The following EP300 variants were observed in gnomAD, a reference collection of about 807,000 sequenced individuals.
EP300 encodes the protein histone acetyltransferase p300.
A neutral mutation model predicts 264.0 loss-of-function variants in EP300; 31 were observed. The ratio of observed to expected loss-of-function variants is 0.12; its 90% CI spans 0.09 to 0.16. The LOEUF (loss-of-function observed/expected upper bound fraction) is 0.16. Ranked by LOEUF, EP300 falls within the 10% of genes least tolerant of loss-of-function variation. The probability of loss-of-function intolerance (pLI) is 1.00; values close to 1 mark genes in which losing one functional copy is unlikely to be tolerated. For missense variants in EP300, 2,766 were observed against 3,052.9 expected (o/e 0.91, Z 2.21); for synonymous variants, 1,340 against 1,045.4 (o/e 1.28, Z -5.44).
chr22:41,158,533 G>A lies in EP300; in HGVS notation c.3590+33G>A, dbSNP rs766848539. The A allele has an allele frequency of 1.7e-5, 27 of 1,547,650 alleles. No homozygotes were observed. In the East Asian group the frequency reaches 5.8e-4, roughly 33 times the overall value. ...TGGCCAGGTGTGGACCATGGTCCATGTGTCCACATGTCCAGGGAGTGCATG... is the reference window on the plus strand; with the variant it reads ...TGGCCAGGTGTGGACCATGGTCCATATGTCCACATGTCCAGGGAGTGCATG... On this transcript the variant is annotated intron_variant, in intron 19 of 30. Transcript: ENST00000263253.
chr22:41,168,042 G>A (rs1414975700), intron 23 of EP300, among the ~76,000 whole-genome samples: 4 of 150,834 alleles, frequency 2.7e-5, no homozygotes, highest in Admixed American at 6.6e-5. Flanking sequence ...GGCTGGTCTC[G>A]AACTCCTGAC....
chr22:41,162,450 C>G (rs191485426), intron 20 of EP300, among the ~76,000 whole-genome samples: 1 of 152,096 alleles, frequency 6.6e-6, no homozygotes, highest in Admixed American at 6.6e-5. Context: ...TAGTAACAGA[C>G]AAGATTTTAA....
Position 41,117,401 on chromosome 22 carries a change from C to T in EP300, c.309C>T (p.Val103=). The change falls in exon 2 of 31, where the codon GTC becomes GTT. Residue 103 remains valine, a synonymous_variant. Coordinates refer to ENST00000263253, the MANE Select transcript of EP300 (RefSeq NM_001429.4). The part of the protein sequence containing the change: ...LNMGVGGPGQ[V]MASQAQQSSP... The stretch of plus-strand genomic sequence containing the variant: ...TGGGAGTTGGTGGCCCAGGTCAAGT[C>T]ATGGCCAGCCAGGCCCAACAGAGCA... 1 of 1,614,148 alleles carries T rather than the reference C, an allele frequency of 6.2e-7. No homozygotes were observed. Among genetic ancestry groups the T allele is most frequent in the Non-Finnish European group, 8.5e-7 (1 of 1,180,018 alleles).
chr22:41,111,823 A>G (rs1347663859), intron 1 of EP300, among the ~76,000 whole-genome samples: 1 of 145,836 alleles, frequency 6.9e-6, no homozygotes, highest in Non-Finnish European at 1.5e-5. Flanking sequence ...ACAGGTGAGA[A>G]CCACCATGCC....
intron 10 of EP300, among the ~76,000 whole-genome samples, chr22:41,146,000 A>G (rs1262400396): frequency 1.3e-5 from 2 of 152,048 alleles, no homozygotes; most frequent in Non-Finnish European, 2.9e-5. Context: ...TATTATTTAA[A>G]ATCAATGTTC....
chr22:41,170,363 G>C (rs2059162472), intron 26 of EP300, 43 bp from the exon 27 acceptor site: 2 of 1,582,848 alleles, frequency 1.3e-6, no homozygotes, highest in South Asian at 2.2e-5. Flanking sequence ...TTCTAGAATA[G>C]ATTATCTCTT....
chr22:41,171,805 G>GT (rs980175522), intron 27 of EP300, among the ~76,000 whole-genome samples: 3 of 151,202 alleles, frequency 2.0e-5, no homozygotes, highest in African/African-American at 7.3e-5. Flanking sequence ...TAGAGACGGG[G>GT]TTTCTCCACA....
intron 2 of EP300, among the ~76,000 whole-genome samples, chr22:41,119,739 C>T (rs550810925): frequency 2.6e-5 from 4 of 152,212 alleles, no homozygotes; most frequent in South Asian, 2.1e-4. Flanking sequence ...ACAAAAATCC[C>T]TGTCCTTGTG....
rs71200660 is a variant in EP300, at chr22:41,110,282, A to ATTT, written c.95-6869_95-6867dup. Among the ~76,000 whole-genome samples the ATTT allele has an allele frequency of 1.4e-3, 67 of 48,222 alleles. 13 individuals are homozygous for ATTT. Among genetic ancestry groups the ATTT allele is most frequent in the Non-Finnish European group, 2.0e-3 (53 of 26,878 alleles). 31.6% of individuals were successfully genotyped at this position (48,222 alleles called of 152,430 possible). ...AGGTGCATGCCAGCATATCCAGCTA[A>ATTT]TTTTTTTTTTTTTTTTTTTTTTTTT... is the stretch of plus-strand genomic sequence containing the variant. On this transcript the variant is annotated intron_variant, in intron 1 of 30. Coordinates refer to ENST00000263253, the MANE Select transcript of EP300 (RefSeq NM_001429.4).
Position 41,152,113 on chromosome 22 carries a change from A to G in EP300, c.2998-93A>G, listed in dbSNP as rs1267792864. ...AAAAATATTTTGATAATTAGATCTCATGGCATAGATTTTGCATGAGAAAGG... is the reference window on the plus strand; with the variant it reads ...AAAAATATTTTGATAATTAGATCTCGTGGCATAGATTTTGCATGAGAAAGG... On this transcript the variant is annotated intron_variant, in intron 15 of 30. Transcript: ENST00000263253. The G allele has an allele frequency of 1.2e-5, 19 of 1,537,524 alleles. 1 individual carries two copies. Among genetic ancestry groups the G allele is most frequent in the Non-Finnish European group, 1.7e-5 (19 of 1,112,630 alleles).
Position 41,179,808 on chromosome 22 carries a change from G to T in EP300, c.*852G>T. ...GGGTAAGAAACGATTCCGGTGGGAT[G>T]ATTTTAACATGCAAAATGTCCCTGG... On this transcript the variant is annotated 3_prime_UTR_variant, in exon 31 of 31. Coordinates refer to ENST00000263253, the MANE Select transcript of EP300 (RefSeq NM_001429.4). 8.8e-6 allele frequency: 2 copies of T among 227,440 alleles called. No individual in the cohort carries two copies. Among genetic ancestry groups the T allele is most frequent in the Non-Finnish European group, 8.7e-6 (1 of 114,552 alleles). The allele number at this position is 227,440 out of a possible 1,614,324, so 14.1% of individuals were successfully genotyped here.
At chr22:41,113,490 T>A (rs1360763429) in intron 1 of EP300, among the ~76,000 whole-genome samples, 1 of 152,160 alleles carries the variant, frequency 6.6e-6, no homozygotes, top group Non-Finnish European at 1.5e-5. Context: ...GATACTTAAT[T>A]CATTATTAGC....
Position 41,178,735 on chromosome 22 carries a change from C to A in EP300, c.7024C>A (p.Pro2342Thr), listed in dbSNP as rs1486126836. 6.2e-7 allele frequency: 1 copy of A among 1,614,198 alleles called. No individual in the cohort carries two copies. The highest frequency in any genetic ancestry group is 8.5e-7 in the Non-Finnish European group (1 of 1,180,026). The change falls in exon 31 of 31, where the codon CCA becomes ACA. Residue 2342 changes from proline to threonine, a missense_variant. Coordinates refer to ENST00000263253, the MANE Select transcript of EP300 (RefSeq NM_001429.4). ...QPQPSPHHVSPQTSSPHPGLV... is the reference protein window; with the variant it reads ...QPQPSPHHVSTQTSSPHPGLV... ...TCAGCCTTCTCCACACCACGTTTCC[C>A]CACAGACAAGTTCCCCACATCCTGG... is the stretch of plus-strand genomic sequence containing the variant.
intron 23 of EP300, among the ~76,000 whole-genome samples, chr22:41,167,081 T>C (rs537425613): frequency 2.0e-5 from 3 of 152,354 alleles, no homozygotes; most frequent in Non-Finnish European, 4.4e-5. Flanking sequence ...CACTGCAACC[T>C]CCGCCTCCCA....
At chr22:41,116,493 A>G (rs138546746) in intron 1 of EP300, among the ~76,000 whole-genome samples, 4 of 152,110 alleles carry the variant, frequency 2.6e-5, no homozygotes, top group Non-Finnish European at 5.9e-5. Context: ...TTTTCTGAGA[A>G]TGATGGTTTC....
At chr22:41,131,336 T>G (rs1308330428) in intron 5 of EP300, 52 bp from the exon 6 acceptor site, 2 of 1,598,308 alleles carry the variant, frequency 1.3e-6, no homozygotes, top group East Asian at 4.5e-5. Context: ...ATGTTAGTCT[T>G]TTTTTTCTCA....
At chr22:41,162,800 T>C (rs1323170027) in intron 21 of EP300, 21 bp downstream of exon 21, 2 of 1,601,972 alleles carry the variant, frequency 1.2e-6, no homozygotes, top group Non-Finnish European at 1.7e-6. Context: ...TCCCCTTGAA[T>C]AGTCAGTACG....
intron 1 of EP300, among the ~76,000 whole-genome samples, chr22:41,106,398 A>G (rs2058758306): frequency 6.6e-6 from 1 of 152,072 alleles, no homozygotes; most frequent in Non-Finnish European, 1.5e-5. Flanking sequence ...AAAATTCCAA[A>G]TCTCTAACCT....
At chr22:41,134,290 C>T (rs2058937580) in intron 6 of EP300, among the ~76,000 whole-genome samples, 1 of 150,212 alleles carries the variant, frequency 6.7e-6, no homozygotes. Flanking sequence ...TAACTAGAAA[C>T]GTACGTGTGT....
Sources: allele counts gnomAD v4.1 joint callset (sites outside exome capture counted in the v4.1 genomes callset), GRCh38; gene constraint gnomAD v4.1.1; transcripts MANE v1.5; gene names NCBI Gene and HGNC (gene_info 2026-07-23, HGNC 2026-07-21).